The following PALLD variants were observed in gnomAD, a reference collection of about 807,000 sequenced individuals.
PALLD encodes palladin.
Under a neutral mutation model 123.5 loss-of-function variants are expected in PALLD, and 61 were observed. The ratio of observed to expected loss-of-function variants is 0.49; its 90% CI spans 0.40 to 0.61. PALLD has a LOEUF of 0.61. Among genes scored for constraint, PALLD ranks in the 20% least tolerant of loss-of-function variants. The pLI is 0.00. For missense variants in PALLD, 1,273 were observed against 1,377.0 expected, an observed-to-expected ratio of 0.92 and a Z score of 1.20; for synonymous variants, 465 against 496.4, an observed-to-expected ratio of 0.94 and a Z score of 0.84.
At chr4:168,685,691 G>A in intron 6 of PALLD, 132 bp downstream of exon 6, 1 of 740,600 alleles carries the variant, frequency 1.4e-6, no homozygotes, top group South Asian at 1.4e-5. Context: ...GTTACCTTTG[G>A]GACTAAATAG....
At chr4:168,617,292 C>T (rs2710851) in intron 2 of PALLD, among the ~76,000 whole-genome samples, 83,217 of 151,648 alleles carry the variant, frequency 0.55, 23,353 homozygotes, top group African/African-American at 0.68. Flanking sequence ...GTAGGGTAGA[C>T]GGTATGTGCA....
intron 2 of PALLD, among the ~76,000 whole-genome samples, chr4:168,595,569 T>C (rs555333967): frequency 5.3e-5 from 8 of 152,288 alleles, no homozygotes; most frequent in African/African-American, 1.7e-4. Flanking sequence ...CATCCCTCTC[T>C]ATAGATGTTA....
intron 2 of PALLD, among the ~76,000 whole-genome samples, chr4:168,637,967 A>T (rs1480072961): frequency 6.6e-6 from 1 of 151,456 alleles, no homozygotes; most frequent in African/African-American, 2.4e-5. Flanking sequence ...AAAAAAAAAA[A>T]ATTCTGAGGA....
intron 2 of PALLD, among the ~76,000 whole-genome samples, chr4:168,621,976 G>T (rs539947860): frequency 2.0e-5 from 3 of 152,168 alleles, no homozygotes; most frequent in Non-Finnish European, 2.9e-5. Context: ...TTGTATTTGC[G>T]CCAAAAAGTG....
At chr4:168,546,689 C>G (rs774527714) in intron 2 of PALLD, among the ~76,000 whole-genome samples, 1 of 152,142 alleles carries the variant, frequency 6.6e-6, no homozygotes, top group Non-Finnish European at 1.5e-5. Context: ...CCCGCTGATA[C>G]GTGTACTATA....
intron 2 of PALLD, among the ~76,000 whole-genome samples, chr4:168,523,258 AGGAGGAAG>A (rs1763735771): frequency 3.1e-5 from 4 of 130,238 alleles, no homozygotes; most frequent in African/African-American, 5.7e-5. Flanking sequence ...AGGGTAAGGA[AGGAGGAAG>A]GGAGGAAGGA....
At chr4:168,603,755 G>A (rs1289796157) in intron 2 of PALLD, among the ~76,000 whole-genome samples, 1 of 152,164 alleles carries the variant, frequency 6.6e-6, no homozygotes, top group Admixed American at 6.5e-5. Context: ...TTGAACTCGT[G>A]TATTCTTTCC....
At chr4:168,591,837 C>G (rs191969783) in intron 2 of PALLD, among the ~76,000 whole-genome samples, 1 of 151,744 alleles carries the variant, frequency 6.6e-6, no homozygotes, top group Non-Finnish European at 1.5e-5. Flanking sequence ...TAATTTGGCC[C>G]CCAGGAAATG....
intron 2 of PALLD, among the ~76,000 whole-genome samples, chr4:168,600,069 G>GTA (rs764612384): frequency 6.9e-6 from 1 of 144,520 alleles, no homozygotes; most frequent in Non-Finnish European, 1.5e-5. Context: ...ACATACATGT[G>GTA]TATACACACA....
chr4:168,744,962 G>A (rs1788709288), intron 10 of PALLD, among the ~76,000 whole-genome samples: 2 of 152,074 alleles, frequency 1.3e-5, no homozygotes, highest in African/African-American at 4.8e-5. Flanking sequence ...TTCAACTTAC[G>A]ATGAGTTTAT....
Position 168,711,689 on chromosome 4 carries a change from C to T in PALLD, c.1730C>T (p.Ala577Val). The change falls in exon 10 of 22, where the codon GCT (alanine) becomes GTT (valine). Residue 577 changes from alanine (A) to valine (V), a missense_variant. By Grantham distance (64) the Ala-to-Val change is moderately conservative. Around this residue, in one of 2 missense-constraint regions of PALLD, gnomAD observed 944 missense variants for 954.5 expected, o/e 0.99. Transcript: ENST00000505667. ...PILETSSLELASKKPSEIQQV... is the reference protein window; with the variant it reads ...PILETSSLELVSKKPSEIQQV... ...TTGGAGACAAGTTCCTTGGAGTTGG[C>T]TTCAAAGAAACCATCTGAGATCCAG... 6.2e-7 allele frequency: 1 copy of T among 1,613,950 alleles called. No individual in the cohort carries two copies. Among genetic ancestry groups the T allele is most frequent in the Non-Finnish European group, 8.5e-7 (1 of 1,179,888 alleles).
chr4:168,692,668 A>C (rs1025761007), intron 8 of PALLD, among the ~76,000 whole-genome samples: 4 of 152,262 alleles, frequency 2.6e-5, no homozygotes, highest in Non-Finnish European at 4.4e-5. Flanking sequence ...TTTATGTGAA[A>C]CAAACCTATA....
intron 3 of PALLD, among the ~76,000 whole-genome samples, chr4:168,680,984 C>T (rs775995568): frequency 2.6e-5 from 4 of 152,086 alleles, no homozygotes; most frequent in East Asian, 1.9e-4. Context: ...AGTTTAAAAG[C>T]GTGGGTATTC....
At chr4:168,617,902 C>T (rs1396958889) in intron 2 of PALLD, among the ~76,000 whole-genome samples, 1 of 152,140 alleles carries the variant, frequency 6.6e-6, no homozygotes. Context: ...TACCCCAGAA[C>T]CTGATTTTCT....
intron 2 of PALLD, among the ~76,000 whole-genome samples, chr4:168,523,523 C>T (rs1418583543): frequency 2.6e-5 from 4 of 152,026 alleles, no homozygotes; most frequent in Non-Finnish European, 2.9e-5. Flanking sequence ...ACTACAAAGA[C>T]CAAGAATTCT....
chr4:168,513,843 G>A (rs1396171979), intron 2 of PALLD, among the ~76,000 whole-genome samples: 1 of 152,168 alleles, frequency 6.6e-6, no homozygotes, highest in African/African-American at 2.4e-5. Flanking sequence ...AGTGGCTCAT[G>A]CCTGTAATTC....
intron 1 of PALLD, among the ~76,000 whole-genome samples, chr4:168,501,169 T>G (rs113129253): frequency 0.088 from 13,348 of 152,072 alleles, 818 homozygotes; most frequent in Non-Finnish European, 0.12. Flanking sequence ...TCCCAGCAAC[T>G]CAGGAGCCTG....
intron 2 of PALLD, among the ~76,000 whole-genome samples, chr4:168,563,516 A>G (rs1407998258): frequency 2.0e-5 from 3 of 152,220 alleles, no homozygotes; most frequent in Non-Finnish European, 4.4e-5. Flanking sequence ...TATTACATAT[A>G]AAACTATTTG....
chr4:168,762,828 T>C (rs554151860), intron 10 of PALLD, among the ~76,000 whole-genome samples: 1 of 152,358 alleles, frequency 6.6e-6, no homozygotes, highest in Non-Finnish European at 1.5e-5. Context: ...ATATACATGA[T>C]GGAATACTAT....
Sources: gnomAD v4.1 joint callset for allele counts (sites outside exome capture counted in the v4.1 genomes callset) on GRCh38, gnomAD v4.1.1 for gene constraint, gnomAD v4.1.1 regional missense constraint, MANE v1.5 for transcripts, NCBI Gene and HGNC (gene_info 2026-07-23, HGNC 2026-07-21) for gene names.